Variants in CHRND observed in about 807,000 individuals in gnomAD.
CHRND encodes the protein acetylcholine receptor subunit delta.
CHRND carries 40 observed loss-of-function variants against 57.8 expected under a neutral mutation model. The ratio of observed to expected loss-of-function variants is 0.69; its 90% confidence interval spans 0.54 to 0.90. The LOEUF is 0.90. Among genes scored for constraint, CHRND ranks in the 40% least tolerant of loss-of-function variants. The probability of loss-of-function intolerance (pLI) is 0.00; values close to 1 mark genes in which losing one functional copy is unlikely to be tolerated. For missense variants in CHRND, 634 were observed against 673.9 expected (o/e 0.94, Z 0.66); for synonymous variants, 237 against 270.6 (o/e 0.88, Z 1.22).
At chr2:232,529,363 C>T (rs1466540049) in intron 6 of CHRND, among the ~76,000 whole-genome samples, 2 of 152,178 alleles carry the variant, frequency 1.3e-5, no homozygotes, top group Non-Finnish European at 2.9e-5. Flanking sequence ...GGGTGTCTGC[C>T]ACCCCTCCTG....
At position 232,528,252 on chromosome 2, in the gene CHRND, G is replaced by A; in HGVS notation, c.244-10G>A. 1 of 1,613,870 alleles carries A rather than the reference G, an allele frequency of 6.2e-7. No individual in the cohort carries two copies. Among genetic ancestry groups the A allele is most frequent in the Non-Finnish European group, 8.5e-7 (1 of 1,179,762 alleles). ...CAGAGTGCACTGGTGACATGCCTTT[G>A]GGATTCCAGGGCTGGACAGACAACC... On this transcript the variant is annotated splice_polypyrimidine_tract_variant and intron_variant, in intron 3 of 11. Coordinates refer to ENST00000258385, the MANE Select transcript of CHRND (RefSeq NM_000751.3).
chr2:232,526,237 C>T lies in CHRND; in HGVS notation c.22C>T (p.Leu8=), dbSNP rs752826834. Reference sequence around the variant, plus strand: ...TGGGATGGAGGGGCCAGTGCTGACACTGGGGCTGCTGGCTGCCCTGGCGGT... The same window carrying T: ...TGGGATGGAGGGGCCAGTGCTGACATTGGGGCTGCTGGCTGCCCTGGCGGT... MEGPVLT[L]GLLAALAVCG... The change falls in exon 1 of 12, where the codon CTG becomes TTG. Residue 8 remains leucine, a synonymous_variant. Transcript: ENST00000258385. 2 of 1,613,414 alleles carry T rather than the reference C, an allele frequency of 1.2e-6. No homozygotes were observed. The highest frequency in any genetic ancestry group is 1.3e-5 in the African/African-American group (1 of 75,014).
chr2:232,533,855 G>GCA, intron 9 of CHRND, 76 bp from the exon 10 acceptor site: 1 of 1,480,276 alleles, frequency 6.8e-7, no homozygotes, highest in Non-Finnish European at 9.3e-7. Context: ...CCAGCCTGGT[G>GCA]ACAGAATGAG....
In CHRND at chr2:232,535,819, T is replaced by C; in HGVS notation, c.*507T>C. 2.2e-6 allele frequency: 1 copy of C among 454,258 alleles called. No individual in the cohort carries two copies. Among genetic ancestry groups the C allele is most frequent in the Non-Finnish European group, 4.4e-6 (1 of 226,878 alleles). The allele number at this position is 454,258 out of a possible 1,614,324, so 28.1% of individuals were successfully genotyped here. On this transcript the variant is annotated 3_prime_UTR_variant, in exon 12 of 12. Coordinates refer to ENST00000258385, the MANE Select transcript of CHRND (RefSeq NM_000751.3). ...CTCCAGACCCCAGAGTATCCTTTCCTAGCTCTTTCTGCCTTGACCTCTCTG... is the reference window on the plus strand; with the variant it reads ...CTCCAGACCCCAGAGTATCCTTTCCCAGCTCTTTCTGCCTTGACCTCTCTG...
At chr2:232,528,194 G>A (rs1691552569) in intron 3 of CHRND, 68 bp from the exon 4 acceptor site, 1 of 1,436,146 alleles carries the variant, frequency 7.0e-7, no homozygotes, top group African/African-American at 1.4e-5. Flanking sequence ...CTTCTCTCAG[G>A]GAAGTGGGGG....
Position 232,535,303 on chromosome 2 carries a change from C to T in CHRND, c.1545C>T (p.Arg515=), listed in dbSNP as rs1260927078. The T allele has an allele frequency of 4.3e-6, 7 of 1,613,632 alleles. No homozygotes were observed. In the East Asian group the frequency reaches 1.3e-4, roughly 31 times the overall value. Residue 515 remains arginine, a synonymous_variant, in exon 12 of 12, where the codon CGC becomes CGT. Transcript: ENST00000258385. ...ACTCCTACAACGTGCAGGACAAGCG[C>T]TTCATCTAGGGTGGGCCTGTTGGGG... ...DPYSYNVQDK[R]FI
chr2:232,530,017 G>T lies in CHRND; in HGVS notation c.698G>T (p.Arg233Leu), dbSNP rs146416320. ...AGAGCCCCTCTGGACAGCCCCAGCC[G>T]CCAGGACATCACCTTCTACCTCATC... ...DPRAPLDSPS[R>L]QDITFYLIIR... is the part of the protein sequence containing the mutation. Residue 233 changes from arginine to leucine, a missense_variant, in exon 7 of 12, where the codon CGC (arginine) becomes CTC (leucine). By Grantham distance (102) the Arg-to-Leu change is moderately radical. Transcript: ENST00000258385. The T allele has an allele frequency of 1.9e-6, 3 of 1,613,968 alleles. No homozygotes were observed. The highest frequency in any genetic ancestry group is 2.5e-6 in the Non-Finnish European group (3 of 1,179,990).
chr2:232,532,511 G>C (rs908219110), intron 9 of CHRND, among the ~76,000 whole-genome samples: 7 of 145,994 alleles, frequency 4.8e-5, no homozygotes, highest in Admixed American at 2.8e-4. Context: ...TCTGGAACTT[G>C]TCCAAAGGCC....
intron 6 of CHRND, among the ~76,000 whole-genome samples, chr2:232,529,632 A>C (rs1691608449): frequency 1.3e-5 from 2 of 152,246 alleles, no homozygotes; most frequent in Admixed American, 1.3e-4. Context: ...CTTAATCTGC[A>C]ATACCTGTTT....
intron 1 of CHRND, 79 bp downstream of exon 1, chr2:232,526,346 C>A: frequency 6.5e-7 from 1 of 1,539,864 alleles, no homozygotes; most frequent in Non-Finnish European, 8.9e-7. Flanking sequence ...TCCTCACTCA[C>A]TCCACTCCCA....
intron 3 of CHRND, 89 bp from the exon 4 acceptor site, chr2:232,528,173 C>A (rs1691551847): frequency 8.1e-7 from 1 of 1,239,756 alleles, no homozygotes; most frequent in Non-Finnish European, 1.2e-6. Context: ...AGCTCTCAGA[C>A]CCTGTTCAGT....
Position 232,536,324 on chromosome 2 carries a change from A to G in CHRND, c.*1012A>G, listed in dbSNP as rs1436490250. 2 of 454,142 alleles carry G rather than the reference A, an allele frequency of 4.4e-6. No homozygotes were observed. The highest frequency in any genetic ancestry group is 8.8e-6 in the Non-Finnish European group (2 of 226,796). The allele number at this position is 454,142 out of a possible 1,614,324, so 28.1% of individuals were successfully genotyped here. The stretch of plus-strand genomic sequence containing the variant: ...CAGAAGTGATGGTACCTCACTTCCC[A>G]GATTTGGTTAGGAAAGACACTATGG... On this transcript the variant is annotated 3_prime_UTR_variant, in exon 12 of 12. Coordinates refer to ENST00000258385, the MANE Select transcript of CHRND (RefSeq NM_000751.3).
At position 232,526,603 on chromosome 2, in the gene CHRND, C is replaced by T. The variant is rs55868108; in HGVS notation, c.127C>T (p.Arg43Trp). 4.8e-5 allele frequency: 78 copies of T among 1,613,690 alleles called. No homozygotes were observed. The highest frequency in any genetic ancestry group is 5.5e-5 in the South Asian group (5 of 91,092). ...AGAGAAGGGCTACAACAAGGAGCTC[C>T]GGCCCGTGGCACACAAAGAGGAGAG... ...FQEKGYNKEL[R>W]PVAHKEESVD... is the part of the protein sequence containing the mutation. The change falls in exon 2 of 12, where the codon CGG (arginine) becomes TGG (tryptophan). Residue 43 changes from arginine to tryptophan, a missense_variant. Physicochemically the swap from Arg to Trp is moderately radical, Grantham distance 101. Transcript: ENST00000258385.
At chr2:232,527,325 A>AGT in intron 2 of CHRND, 76 bp from the exon 3 acceptor site, 1 of 1,272,864 alleles carries the variant, frequency 7.9e-7, no homozygotes, top group African/African-American at 1.5e-5. Context: ...AGAGAGAGAG[A>AGT]GAGAGAGAGT....
At chr2:232,529,866 T>C (rs1049574652) in intron 6 of CHRND, 73 bp from the exon 7 acceptor site, 3 of 1,538,324 alleles carry the variant, frequency 2.0e-6, no homozygotes, top group East Asian at 2.3e-5. Context: ...GCCCAGCCCC[T>C]CATTCTGTCC....
chr2:232,526,488 GCCC>G, intron 1 of CHRND, 38 bp from the exon 2 acceptor site: 1 of 1,612,880 alleles, frequency 6.2e-7, no homozygotes. Flanking sequence ...TGAGTCCCCT[GCCC>G]AGGGCCCCAT....
Position 232,535,484 on chromosome 2 carries a change from G to C in CHRND, c.*172G>C. ...CAATGGCTCCCCTGAAATCAAGACA[G>C]GGGCCACCCGAGATGGTCTGAGGGT... On this transcript the variant is annotated 3_prime_UTR_variant, in exon 12 of 12. Transcript: ENST00000258385. 1.2e-6 allele frequency: 1 copy of C among 837,978 alleles called. No homozygotes were observed. Among genetic ancestry groups the C allele is most frequent in the East Asian group, 2.7e-5 (1 of 37,650 alleles). The allele number at this position is 837,978 out of a possible 1,614,324, so 51.9% of individuals were successfully genotyped here.
chr2:232,527,321 A>AGC, intron 2 of CHRND, 80 bp from the exon 3 acceptor site: 1 of 1,245,392 alleles, frequency 8.0e-7, no homozygotes, highest in Non-Finnish European at 1.2e-6. Context: ...AGAGAGAGAG[A>AGC]GAGAGAGAGA....
chr2:232,533,278 C>T (rs1691772966), intron 9 of CHRND, among the ~76,000 whole-genome samples: 1 of 152,210 alleles, frequency 6.6e-6, no homozygotes, highest in Non-Finnish European at 1.5e-5. Context: ...CCTCGGCTTC[C>T]CAAAGAGCTG....
Sources: allele counts gnomAD v4.1 joint callset (sites outside exome capture counted in the v4.1 genomes callset), GRCh38; gene constraint gnomAD v4.1.1; transcripts MANE v1.5; gene names NCBI Gene and HGNC (gene_info 2026-07-23, HGNC 2026-07-21).